KLHL13: variants seen among roughly 807,000 people sequenced by gnomAD.
The protein encoded by KLHL13 is kelch-like protein 13.
KLHL13 carries 10 observed loss-of-function variants against 37.1 expected under a neutral mutation model. The ratio of observed to expected loss-of-function variants is 0.27; its 90% CI spans 0.17 to 0.46. The LOEUF is 0.46. Among genes scored for constraint, KLHL13 ranks in the 20% least tolerant of loss-of-function variants. The pLI, the probability that KLHL13 is intolerant of heterozygous loss-of-function variation, is 1.00. For synonymous variants in KLHL13, 163 were observed against 181.2 expected (o/e 0.90, Z 0.81); for missense variants, 360 against 509.3 (o/e 0.71, Z 2.82).
chrX:118,085,945 A>AT (rs373996572), intron 1 of KLHL13, among the ~76,000 whole-genome samples: 1,851 of 105,372 alleles, frequency 0.018, 46 homozygotes, highest in African/African-American at 0.058. Context: ...ATGAAGATGG[A>AT]TTTTTTTTTT....
intron 1 of KLHL13, among the ~76,000 whole-genome samples, chrX:118,083,382 T>C (rs2055018353): frequency 8.9e-6 from 1 of 111,969 alleles, no homozygotes; most frequent in Non-Finnish European, 1.9e-5. Flanking sequence ...ACATACACAA[T>C]GGAACACTAT....
At chrX:117,996,488 T>C (rs2053855268) in intron 1 of KLHL13, among the ~76,000 whole-genome samples, 1 of 111,860 alleles carries the variant, frequency 8.9e-6, no homozygotes. Context: ...CAATTTGCAA[T>C]TATGTATGTT....
At chrX:117,910,640 C>T (rs756382292) in intron 4 of KLHL13, among the ~76,000 whole-genome samples, 20 of 111,713 alleles carry the variant, frequency 1.8e-4, no homozygotes, top group Non-Finnish European at 2.6e-4. Context: ...TCAAAGTTAT[C>T]ACTCATAATG....
At chrX:117,949,968 A>G (rs1303634908) in intron 1 of KLHL13, among the ~76,000 whole-genome samples, 1 of 112,348 alleles carries the variant, frequency 8.9e-6, no homozygotes, top group Non-Finnish European at 1.9e-5. Flanking sequence ...TGTTCTCTAC[A>G]CTTTCCTGTA....
intron 1 of KLHL13, among the ~76,000 whole-genome samples, chrX:117,996,579 C>A (rs1417114519): frequency 1.8e-5 from 2 of 111,268 alleles, no homozygotes; most frequent in African/African-American, 6.5e-5. Context: ...GCAATACATT[C>A]TTGGGCATGC....
chrX:118,001,865 C>T (rs781353767), intron 1 of KLHL13, among the ~76,000 whole-genome samples: 2 of 86,412 alleles, frequency 2.3e-5, no homozygotes, highest in South Asian at 1.1e-3. Context: ...AGCAAGACCC[C>T]GTCAAAAAAA....
chrX:117,969,225 A>G (rs2053483641), intron 1 of KLHL13, among the ~76,000 whole-genome samples: 1 of 111,156 alleles, frequency 9.0e-6, no homozygotes, highest in Non-Finnish European at 1.9e-5. Context: ...CCACACTATT[A>G]TTGTCAAAAC....
chrX:118,008,340 T>C (rs1041011249), intron 1 of KLHL13, among the ~76,000 whole-genome samples: 2 of 112,167 alleles, frequency 1.8e-5, no homozygotes, highest in Non-Finnish European at 3.8e-5. Context: ...ACTTAACCTA[T>C]CAGCGTAAAT....
intron 1 of KLHL13, among the ~76,000 whole-genome samples, chrX:118,089,614 AAGAAAG>A (rs1489134993): frequency 3.8e-3 from 218 of 57,536 alleles, no homozygotes; most frequent in African/African-American, 0.014. Context: ...GAGAGAGAGA[AAGAAAG>A]AGAAAGAAAG....
At chrX:117,975,127 G>A (rs1449484162), upstream of KLHL13, among the ~76,000 whole-genome samples, 2 of 109,754 alleles carry the variant, frequency 1.8e-5, no homozygotes, top group Non-Finnish European at 3.8e-5. Context: ...AAGGCCTCAG[G>A]TATAATCAGC....
intron 1 of KLHL13, among the ~76,000 whole-genome samples, chrX:118,100,701 G>T (rs2055278560): frequency 9.0e-6 from 1 of 111,065 alleles, no homozygotes; most frequent in Non-Finnish European, 1.9e-5. Context: ...TCCATTTTCT[G>T]GCCCAATTTT....
At chrX:117,932,152 C>T (rs1361685077) in intron 2 of KLHL13, among the ~76,000 whole-genome samples, 4 of 111,380 alleles carry the variant, frequency 3.6e-5, no homozygotes, top group Non-Finnish European at 7.6e-5. Flanking sequence ...TATCCATCAT[C>T]TGCAATATTT....
chrX:118,023,036 T>C (rs2054236402), intron 1 of KLHL13, among the ~76,000 whole-genome samples: 1 of 112,028 alleles, frequency 8.9e-6, no homozygotes, highest in Admixed American at 9.6e-5. Flanking sequence ...TGGTATGTAA[T>C]CCATTTTGCG....
intron 1 of KLHL13, among the ~76,000 whole-genome samples, chrX:117,969,288 T>C (rs1300958147): frequency 2.7e-5 from 3 of 111,929 alleles, no homozygotes; most frequent in African/African-American, 9.7e-5. Flanking sequence ...TTTTGTTCTA[T>C]TTCAGTGTGT....
At chrX:117,910,853 A>G in intron 4 of KLHL13, among the ~76,000 whole-genome samples, 1 of 111,130 alleles carries the variant, frequency 9.0e-6, no homozygotes, top group East Asian at 2.8e-4. Flanking sequence ...TACTTTCAGC[A>G]CATTCTGTTT....
intron 2 of KLHL13, among the ~76,000 whole-genome samples, chrX:117,944,901 G>A (rs191792608): frequency 4.7e-4 from 52 of 111,471 alleles, no homozygotes; most frequent in African/African-American, 1.4e-3. Flanking sequence ...ATGTATCAGA[G>A]GGTTTGCATC....
chrX:118,035,801 T>C (rs1258447323), intron 1 of KLHL13, among the ~76,000 whole-genome samples: 2 of 105,829 alleles, frequency 1.9e-5, no homozygotes, highest in African/African-American at 3.7e-5. Context: ...GGAAGTCAAA[T>C]TGTCCCTGTT....
rs192689198 is a variant in KLHL13 at position 118,047,146 on chromosome X, T to A, written c.-56+69362A>T. Among the ~76,000 whole-genome samples the A allele has an allele frequency of 2.0e-3, 223 of 111,431 alleles. 3 individuals carry two copies. The highest frequency in any genetic ancestry group is 0.01 in the East Asian group (37 of 3,554). ...GCCATTTGGTTGTGTTTATTTTTTT[T>A]AAAAAGCAGAGGTTATCCACTATTT... On this transcript the variant is annotated intron_variant, in intron 1 of 6. Coordinates refer to the KLHL13 transcript ENST00000371882.
rs146183227 is a variant in KLHL13 at position 118,061,427 on chromosome X, A to G, written c.-56+55081T>C. Among the ~76,000 whole-genome samples, 712 of 111,179 alleles carry G rather than the reference A, an allele frequency of 6.4e-3. 4 individuals are homozygous for G. The highest frequency in any genetic ancestry group is 0.011 in the Non-Finnish European group (571 of 52,906). Reference sequence around the variant, plus strand: ...CCAGGTGAAACTTAACACAATAAACACCAGGAACTGTGTATACTAATACAC... The same window carrying G: ...CCAGGTGAAACTTAACACAATAAACGCCAGGAACTGTGTATACTAATACAC... On this transcript the variant is annotated intron_variant, in intron 1 of 6. Transcript: ENST00000371882.
Sources: allele counts gnomAD v4.1 joint callset (sites outside exome capture counted in the v4.1 genomes callset), GRCh38; gene constraint gnomAD v4.1.1; transcripts MANE v1.5; gene names NCBI Gene and HGNC (gene_info 2026-07-23, HGNC 2026-07-21).